Variants in SLC25A26 observed in about 807,000 individuals in gnomAD.
SLC25A26 encodes the protein solute carrier family 25 member 26, also known as mitochondrial S-adenosylmethionine carrier protein.
A neutral mutation model predicts 37.8 loss-of-function variants in SLC25A26; 36 were observed. The ratio of observed to expected loss-of-function variants is 0.95; its 90% CI spans 0.73 to 1.26. The LOEUF (loss-of-function observed/expected upper bound fraction) is 1.26. SLC25A26 is among the 50% of genes most tolerant of loss of function. The pLI is 0.00. For synonymous variants in SLC25A26, 129 were observed against 122.5 expected, an observed-to-expected ratio of 1.05 and a Z score of -0.35; for missense variants, 390 against 331.1, an observed-to-expected ratio of 1.18 and a Z score of -1.38.
upstream of SLC25A26, among the ~76,000 whole-genome samples, chr3:66,216,246 G>A (rs2071359182): frequency 2.0e-4 from 30 of 152,256 alleles, no homozygotes. Flanking sequence ...CATGGAATGG[G>A]GCGCAGTGGC....
intron 2 of SLC25A26, among the ~76,000 whole-genome samples, chr3:66,237,633 C>G (rs1295642858): frequency 6.6e-6 from 1 of 152,220 alleles, no homozygotes. Flanking sequence ...GACGCTCTTA[C>G]TCTTTAGTCA....
intron 5 of SLC25A26, among the ~76,000 whole-genome samples, chr3:66,275,251 G>C (rs2074098397): frequency 8.8e-6 from 1 of 113,872 alleles, no homozygotes; most frequent in African/African-American, 3.4e-5. Context: ...GGGATGTTGT[G>C]GGGTGGGGGG....
chr3:66,185,066 T>C (rs1185505975), intron 1 of SLC25A26, among the ~76,000 whole-genome samples: 2 of 152,212 alleles, frequency 1.3e-5, no homozygotes, highest in African/African-American at 2.4e-5. Flanking sequence ...TCCAGAACTC[T>C]TTTCATCTCA....
In SLC25A26 at chr3:66,236,565, T is replaced by C; in HGVS notation, c.55T>C (p.Ser19Pro). ...AAAGGCTGGTGGGGTAGCAGGTGTT[T>C]CTGTTGACTTGATATTATTTCCTCT... ...ALVAGGVAGVSVDLILFPLDT... is the reference protein window; with the variant it reads ...ALVAGGVAGVPVDLILFPLDT... The change falls in exon 2 of 10, where the codon TCT becomes CCT. Residue 19 changes from serine to proline, a missense_variant. Ser to Pro is a moderately conservative substitution (Grantham distance 74). Coordinates refer to ENST00000354883, the MANE Select transcript of SLC25A26 (RefSeq NM_001379210.1). 6.8e-7 allele frequency: 1 copy of C among 1,475,082 alleles called. No individual in the cohort carries two copies. The highest frequency in any genetic ancestry group is 2.5e-5 in the East Asian group (1 of 40,256). 91.4% of individuals were successfully genotyped at this position (1,475,082 alleles called of 1,614,324 possible).
At chr3:66,343,637 A>G (rs934609145) in intron 5 of SLC25A26, among the ~76,000 whole-genome samples, 5 of 152,248 alleles carry the variant, frequency 3.3e-5, no homozygotes, top group African/African-American at 1.2e-4. Flanking sequence ...AGAGCAGATA[A>G]CATTCAGTGC....
chr3:66,225,072 G>A (rs2071678362), intron 1 of SLC25A26, among the ~76,000 whole-genome samples: 1 of 152,138 alleles, frequency 6.6e-6, no homozygotes, highest in Non-Finnish European at 1.5e-5. Context: ...GGTTCAAGCT[G>A]TCAGTGGATC....
intron 5 of SLC25A26, among the ~76,000 whole-genome samples, chr3:66,280,785 CTCTT>C (rs1321445513): frequency 6.6e-6 from 1 of 152,050 alleles, no homozygotes; most frequent in Non-Finnish European, 1.5e-5. Flanking sequence ...TGCTCTGCTC[CTCTT>C]TCTTCCTCTT....
At chr3:66,138,263 C>A (rs2069977833) in intron 1 of SLC25A26, among the ~76,000 whole-genome samples, 1 of 151,950 alleles carries the variant, frequency 6.6e-6, no homozygotes, top group Non-Finnish European at 1.5e-5. Context: ...ACATCGTATA[C>A]AATGTATACA....
At chr3:66,304,665 T>C in intron 5 of SLC25A26, 1 of 270,698 alleles carries the variant, frequency 3.7e-6, no homozygotes, top group Non-Finnish European at 7.4e-6. Context: ...TAATACATTC[T>C]TTAAAATGCT....
At chr3:66,312,030 A>C (rs989112403) in intron 5 of SLC25A26, among the ~76,000 whole-genome samples, 6 of 152,164 alleles carry the variant, frequency 3.9e-5, no homozygotes, top group African/African-American at 1.2e-4. Context: ...GTGCTGCGAG[A>C]TCCACTCCTC....
intron 1 of SLC25A26, among the ~76,000 whole-genome samples, chr3:66,180,296 C>T (rs149478945): frequency 0.4 from 61,010 of 152,036 alleles, 12,348 homozygotes; most frequent in South Asian, 0.44. Context: ...GCAAATCTTT[C>T]TTTCTCTGTC....
At chr3:66,180,559 T>C (rs994945367) in intron 1 of SLC25A26, among the ~76,000 whole-genome samples, 8 of 152,218 alleles carry the variant, frequency 5.3e-5, no homozygotes, top group Admixed American at 1.3e-4. Flanking sequence ...ACATGTTCAA[T>C]GTTTTGCACA....
At chr3:66,308,780 C>T (rs886878980) in intron 5 of SLC25A26, among the ~76,000 whole-genome samples, 1 of 152,168 alleles carries the variant, frequency 6.6e-6, no homozygotes, top group African/African-American at 2.4e-5. Flanking sequence ...TTTTCTGCAT[C>T]TGTTGAGATA....
chr3:66,136,925 C>T (rs114718969), intron 1 of SLC25A26, among the ~76,000 whole-genome samples: 2,221 of 152,238 alleles, frequency 0.015, 26 homozygotes, highest in Non-Finnish European at 0.023. Flanking sequence ...TTGGAGCTTC[C>T]TCAACAATAG....
intron 1 of SLC25A26, among the ~76,000 whole-genome samples, chr3:66,143,379 A>G (rs1362990987): frequency 2.6e-5 from 4 of 152,206 alleles, no homozygotes; most frequent in African/African-American, 9.6e-5. Flanking sequence ...GGGTCATGTG[A>G]CAATTCTGTT....
intron 6 of SLC25A26, among the ~76,000 whole-genome samples, chr3:66,360,361 C>G (rs905820954): frequency 2.6e-5 from 4 of 151,960 alleles, no homozygotes; most frequent in African/African-American, 9.7e-5. Flanking sequence ...GCAATGCATA[C>G]CATTATTCTG....
intron 5 of SLC25A26, among the ~76,000 whole-genome samples, chr3:66,339,845 C>T (rs1004367418): frequency 6.6e-6 from 1 of 152,044 alleles, no homozygotes; most frequent in African/African-American, 2.4e-5. Flanking sequence ...CATTGATGCA[C>T]ATATGTTTTT....
At chr3:66,210,743 G>A (rs2071273935) in intron 1 of SLC25A26, among the ~76,000 whole-genome samples, 1 of 152,104 alleles carries the variant, frequency 6.6e-6, no homozygotes, top group African/African-American at 2.4e-5. Context: ...TGAACTCTGG[G>A]GCTCAAGCAA....
chr3:66,278,873 C>T (rs1015804953), intron 5 of SLC25A26, among the ~76,000 whole-genome samples: 7 of 152,246 alleles, frequency 4.6e-5, no homozygotes, highest in African/African-American at 1.7e-4. Context: ...GTCTTTTACC[C>T]TCAGTCACTT....
Sources: allele counts gnomAD v4.1 joint callset (sites outside exome capture counted in the v4.1 genomes callset), GRCh38; gene constraint gnomAD v4.1.1; transcripts MANE v1.5; gene names NCBI Gene and HGNC (gene_info 2026-07-23, HGNC 2026-07-21).